Variants in SLC25A21 observed in about 807,000 individuals in gnomAD.
SLC25A21 encodes the protein solute carrier family 25 member 21.
In SLC25A21, 47 loss-of-function variants were observed where a neutral mutation model predicts 43.8. The observed-to-expected ratio is 1.07, with a 90% CI of 0.85 to 1.37. SLC25A21 has a LOEUF of 1.37. Among genes scored for constraint, SLC25A21 ranks in the 40% most tolerant of loss-of-function variants. SLC25A21 has a pLI of 0.00. For missense variants in SLC25A21, 352 were observed against 350.2 expected (o/e 1.00, Z -0.04); for synonymous variants, 131 against 121.3 (o/e 1.08, Z -0.52).
intron 2 of SLC25A21, among the ~76,000 whole-genome samples, chr14:36,847,917 A>G (rs712371): frequency 0.29 from 43,568 of 151,838 alleles, 6,993 homozygotes; most frequent in South Asian, 0.42. Context: ...AGCGGTATGA[A>G]GGCTGGGCTT....
intron 6 of SLC25A21, among the ~76,000 whole-genome samples, chr14:36,719,476 C>T (rs937553462): frequency 6.6e-6 from 1 of 152,184 alleles, no homozygotes; most frequent in Non-Finnish European, 1.5e-5. Flanking sequence ...CATGTTTTTA[C>T]ACCCAGTGAA....
intron 1 of SLC25A21, among the ~76,000 whole-genome samples, chr14:37,070,336 T>TTA (rs1385732177): frequency 6.6e-6 from 1 of 152,212 alleles, no homozygotes; most frequent in Non-Finnish European, 1.5e-5. Flanking sequence ...GTAAACCTAT[T>TTA]TATATTTTCA....
At position 37,028,588 on chromosome 14, in the gene SLC25A21, T is replaced by TTTTA. The variant is rs1961141762; in HGVS notation, c.70+143692_70+143693insTAAA. Among the ~76,000 whole-genome samples the TTTTA allele has an allele frequency of 2.0e-5, 3 of 152,328 alleles. No individual in the cohort carries two copies. The South Asian group carries it at 6.2e-4, about 32-fold the overall frequency. On this transcript the variant is annotated intron_variant, in intron 1 of 9. Transcript: ENST00000331299. ...CTGAAGAAAACAAGACTGTAAGTTT[T>TTTTA]GGTCACCTTTTCTGGCTGTTAACCA...
intron 2 of SLC25A21, among the ~76,000 whole-genome samples, chr14:36,856,042 TC>T (rs1053223270): frequency 1.4e-4 from 22 of 152,204 alleles, no homozygotes; most frequent in African/African-American, 4.3e-4. Context: ...GACCAAAGTG[TC>T]AATAGAGTCG....
intron 6 of SLC25A21, among the ~76,000 whole-genome samples, chr14:36,712,260 T>G (rs2139190338): frequency 6.6e-6 from 1 of 152,282 alleles, no homozygotes; most frequent in African/African-American, 2.4e-5. Flanking sequence ...AAAAAATGTA[T>G]GAGTGGTTGT....
At chr14:36,707,235 A>C (rs1883611383) in intron 7 of SLC25A21, among the ~76,000 whole-genome samples, 1 of 152,174 alleles carries the variant, frequency 6.6e-6, no homozygotes, top group South Asian at 2.1e-4. Flanking sequence ...GCCTTCCCTG[A>C]CCATCAGGTT....
chr14:37,159,693 A>T (rs1310702098), intron 1 of SLC25A21, among the ~76,000 whole-genome samples: 1 of 152,190 alleles, frequency 6.6e-6, no homozygotes, highest in Non-Finnish European at 1.5e-5. Flanking sequence ...TAATACCTCA[A>T]AAGTACAGGC....
chr14:37,037,597 T>C (rs1370551667), intron 1 of SLC25A21, among the ~76,000 whole-genome samples: 5 of 150,188 alleles, frequency 3.3e-5, no homozygotes, highest in Admixed American at 6.7e-5. Context: ...AAAATTTTTT[T>C]CACCAAACTT....
At chr14:36,979,350 T>C (rs1477248860) in intron 1 of SLC25A21, among the ~76,000 whole-genome samples, 1 of 145,916 alleles carries the variant, frequency 6.9e-6, no homozygotes, top group Non-Finnish European at 1.5e-5. Flanking sequence ...TTTTACTGTT[T>C]TTGTTTGTTT....
chr14:37,023,600 T>C (rs894736442), intron 1 of SLC25A21, among the ~76,000 whole-genome samples: 1 of 152,036 alleles, frequency 6.6e-6, no homozygotes, highest in Non-Finnish European at 1.5e-5. Context: ...AAACCATCTG[T>C]GCCTTTGTAT....
chr14:36,747,675 C>G (rs1252169383), intron 3 of SLC25A21, among the ~76,000 whole-genome samples: 2 of 152,188 alleles, frequency 1.3e-5, no homozygotes, highest in African/African-American at 2.4e-5. Flanking sequence ...ACCAAGCAGA[C>G]TGTTCCCCAA....
intron 1 of SLC25A21, among the ~76,000 whole-genome samples, chr14:36,965,586 C>G (rs1834579706): frequency 6.6e-6 from 1 of 152,122 alleles, no homozygotes; most frequent in Non-Finnish European, 1.5e-5. Context: ...TGTAGACATA[C>G]TTTCCAAATA....
chr14:37,139,119 C>G (rs905867804), intron 1 of SLC25A21, among the ~76,000 whole-genome samples: 40 of 152,224 alleles, frequency 2.6e-4, no homozygotes, highest in African/African-American at 9.4e-4. Context: ...TACTACCACA[C>G]ATTTAACTTA....
intron 1 of SLC25A21, among the ~76,000 whole-genome samples, chr14:37,112,240 C>T (rs987198341): frequency 2.6e-5 from 4 of 152,076 alleles, no homozygotes; most frequent in South Asian, 2.1e-4. Flanking sequence ...CCCTTGCCGC[C>T]GCCGCCAAAA....
chr14:37,010,271 G>C (rs1960701961), intron 1 of SLC25A21, among the ~76,000 whole-genome samples: 1 of 152,170 alleles, frequency 6.6e-6, no homozygotes, highest in Admixed American at 6.5e-5. Context: ...TAAAATCCTT[G>C]TATGTGTGTG....
At chr14:36,942,313 G>A (rs1241239488) in intron 1 of SLC25A21, among the ~76,000 whole-genome samples, 1 of 152,112 alleles carries the variant, frequency 6.6e-6, no homozygotes, top group African/African-American at 2.4e-5. Flanking sequence ...ACAAAAATAT[G>A]CCATACATGC....
intron 2 of SLC25A21, 137 bp downstream of exon 2, chr14:36,874,819 T>C (rs1818894749): frequency 5.1e-6 from 3 of 588,668 alleles, no homozygotes; most frequent in African/African-American, 3.8e-5. Context: ...CAAATAGTAC[T>C]TTCTTTAGAA....
chr14:36,779,577 T>G (rs567306821), intron 3 of SLC25A21, among the ~76,000 whole-genome samples: 2 of 140,170 alleles, frequency 1.4e-5, no homozygotes, highest in South Asian at 4.5e-4. Context: ...TATTATCCAG[T>G]CTTTTAAAAG....
At chr14:36,696,528 C>T (rs1350348019) in intron 7 of SLC25A21, among the ~76,000 whole-genome samples, 1 of 152,152 alleles carries the variant, frequency 6.6e-6, no homozygotes, top group African/African-American at 2.4e-5. Flanking sequence ...GCTGTGAATC[C>T]ATCTGGTCCT....
Sources: allele counts gnomAD v4.1 joint callset (sites outside exome capture counted in the v4.1 genomes callset), GRCh38; gene constraint gnomAD v4.1.1; transcripts MANE v1.5; gene names NCBI Gene and HGNC (gene_info 2026-07-23, HGNC 2026-07-21).